CPLANE1: variants seen among roughly 807,000 people sequenced by gnomAD.
The protein encoded by CPLANE1 is ciliogenesis and planar polarity effector complex subunit 1.
In CPLANE1, 263 loss-of-function variants were observed where a neutral mutation model predicts 362.5. That is an observed-to-expected ratio of 0.73 (90% CI 0.66 to 0.80). The LOEUF is 0.80. Ranked by LOEUF, CPLANE1 falls within the 30% of genes least tolerant of loss-of-function variation. CPLANE1 has a pLI of 0.00. For missense variants in CPLANE1, 3,461 were observed against 3,793.4 expected, an observed-to-expected ratio of 0.91 and a Z score of 2.30; for synonymous variants, 1,212 against 1,302.6, an observed-to-expected ratio of 0.93 and a Z score of 1.50.
At chr5:37,115,872 C>T (rs777599051) in intron 50 of CPLANE1, among the ~76,000 whole-genome samples, 35 of 151,706 alleles carry the variant, frequency 2.3e-4, no homozygotes, top group Non-Finnish European at 3.5e-4. Flanking sequence ...GGATTACAGG[C>T]GTGAGCCACC....
chr5:37,198,797 G>A lies in CPLANE1; in HGVS notation c.3577C>T (p.Arg1193Cys), dbSNP rs149170427. The A allele has an allele frequency of 1.9e-5, 30 of 1,613,954 alleles. No homozygotes were observed. The East Asian group carries it at 4.7e-4, about 25-fold the overall frequency. ...NRQKVSGILQ[R>C]VLLLFRAAQC... ...GCCGCCCGGAAAAGCAGGAGAACAC[G>A]CTGAAGGATTCCAGATACCTTCTGG... is the stretch of plus-strand genomic sequence containing the variant. Residue 1193 changes from arginine to cysteine, a missense_variant, in exon 20 of 53, where the codon CGT (arginine) becomes TGT (cysteine). Around this residue, in one of 2 missense-constraint regions of CPLANE1, gnomAD observed 3,380 missense variants for 3,666.1 expected, o/e 0.92. Coordinates refer to ENST00000651892, the MANE Select transcript of CPLANE1 (RefSeq NM_001384732.1).
At chr5:37,231,971 T>C (rs1797823892) in intron 8 of CPLANE1, among the ~76,000 whole-genome samples, 1 of 151,790 alleles carries the variant, frequency 6.6e-6, no homozygotes, top group Admixed American at 6.6e-5. Context: ...AATGAGAAAT[T>C]TACCAAAGAG....
chr5:37,145,774 C>A (rs1771376802), intron 43 of CPLANE1, among the ~76,000 whole-genome samples: 1 of 151,754 alleles, frequency 6.6e-6, no homozygotes, highest in African/African-American at 2.4e-5. Flanking sequence ...GCAAAAAAAC[C>A]ACCATGAAAT....
chr5:37,169,268 C>G lies in CPLANE1; in HGVS notation c.6756G>C (p.Arg2252Ser). Residue 2252 changes from arginine (R) to serine (S), a missense_variant, in exon 34 of 53, where the codon AGG becomes AGC. Physicochemically the swap from Arg to Ser is moderately radical, Grantham distance 110 (BLOSUM62 -1). Around this residue, in one of 2 missense-constraint regions of CPLANE1, gnomAD observed 3,380 missense variants for 3,666.1 expected, o/e 0.92. Coordinates refer to ENST00000651892, the MANE Select transcript of CPLANE1 (RefSeq NM_001384732.1). ...HTGSIPQVPFRPLPQPREAWG... is the reference protein window; with the variant it reads ...HTGSIPQVPFSPLPQPREAWG... ...AAGCCTCTCTTGGTTGTGGCAAAGG[C>G]CTGAAGGGAACTTGTGGAATACTTC... is the stretch of plus-strand genomic sequence containing the variant. 1 of 1,614,036 alleles carries G rather than the reference C, an allele frequency of 6.2e-7. No homozygotes were observed.
At chr5:37,190,994 G>A (rs1785392661) in intron 21 of CPLANE1, among the ~76,000 whole-genome samples, 1 of 152,106 alleles carries the variant, frequency 6.6e-6, no homozygotes, top group Non-Finnish European at 1.5e-5. Flanking sequence ...AAAAAAAACT[G>A]TAAAATAGCC....
At position 37,169,220 on chromosome 5, in the gene CPLANE1, T is replaced by A; in HGVS notation, c.6804A>T (p.Gln2268His). Reference sequence around the variant, plus strand: ...GTGCTGCTCTCTGTGGCAGAGCAGGTTGGAAGGAGTCAGATAATCCCCAAG... The same window carrying A: ...GTGCTGCTCTCTGTGGCAGAGCAGGATGGAAGGAGTCAGATAATCCCCAAG... Reference protein sequence around the residue: ...REAWGLSDSFQPALPQRAAQT... With the variant: ...REAWGLSDSFHPALPQRAAQT... Residue 2268 changes from glutamine to histidine, a missense_variant, in exon 34 of 53, where the codon CAA (glutamine) becomes CAT (histidine). Physicochemically the swap from Gln to His is conservative, Grantham distance 24. Coordinates refer to ENST00000651892, the MANE Select transcript of CPLANE1 (RefSeq NM_001384732.1). 1 of 1,614,088 alleles carries A rather than the reference T, an allele frequency of 6.2e-7. No individual in the cohort carries two copies. Among genetic ancestry groups the A allele is most frequent in the South Asian group, 1.1e-5 (1 of 91,076 alleles).
At position 37,248,395 on chromosome 5, in the gene CPLANE1, G is replaced by T. The variant is rs567658829; in HGVS notation, c.-47-650C>A. 2.4e-4 allele frequency among the ~76,000 whole-genome samples: 37 copies of T among 152,302 alleles called. No individual in the cohort carries two copies. In the South Asian group the frequency reaches 7.3e-3, roughly 30 times the overall value. ...TCCGCCCGACTCAGCCTCCCAAAGTGCTGGGATTACAGGCGTGATCCACTG... is the reference window on the plus strand; with the variant it reads ...TCCGCCCGACTCAGCCTCCCAAAGTTCTGGGATTACAGGCGTGATCCACTG... On this transcript the variant is annotated intron_variant, in intron 1 of 52. Coordinates refer to ENST00000651892, the MANE Select transcript of CPLANE1 (RefSeq NM_001384732.1).
At chr5:37,132,388 A>AG (rs1766157609) in intron 46 of CPLANE1, among the ~76,000 whole-genome samples, 1 of 122,028 alleles carries the variant, frequency 8.2e-6, no homozygotes, top group African/African-American at 3.2e-5. Flanking sequence ...TCTGTCGCCC[A>AG]GGCTGGAGTG....
intron 32 of CPLANE1, among the ~76,000 whole-genome samples, chr5:37,171,263 A>C (rs13166974): frequency 0.18 from 27,501 of 152,188 alleles, 2,943 homozygotes; most frequent in East Asian, 0.38. Flanking sequence ...CTTAGCTGGA[A>C]CAAGAGATTT....
At chr5:37,164,857 T>C (rs903762688) in intron 36 of CPLANE1, among the ~76,000 whole-genome samples, 8 of 152,076 alleles carry the variant, frequency 5.3e-5, no homozygotes, top group Non-Finnish European at 1.2e-4. Flanking sequence ...ATAATCCAAG[T>C]GTTTTAGGAG....
rs1206876437 is a variant in CPLANE1 at position 37,148,205 on chromosome 5, T to C, written c.8437A>G (p.Lys2813Glu). ...CCTTCTTCAGAAATGCTAATGGTTT[T>C]TGAAGCTAATGTTTTTTTGAATTCA... is the stretch of plus-strand genomic sequence containing the variant. ...GPEFKKTLAS[K>E]TISISEEVRF... Residue 2813 changes from lysine to glutamate, a missense_variant, in exon 43 of 53, where the codon AAA becomes GAA. Physicochemically the swap from Lys to Glu is moderately conservative, Grantham distance 56. Transcript: ENST00000651892. The C allele has an allele frequency of 6.2e-7, 1 of 1,613,200 alleles. No individual in the cohort carries two copies. Among genetic ancestry groups the C allele is most frequent in the Non-Finnish European group, 8.5e-7 (1 of 1,179,484 alleles).
At chr5:37,150,777 G>C (rs1773312333) in intron 42 of CPLANE1, among the ~76,000 whole-genome samples, 1 of 152,316 alleles carries the variant, frequency 6.6e-6, no homozygotes, top group East Asian at 1.9e-4. Flanking sequence ...AGAGCTAGCA[G>C]CATAAGAATC....
chr5:37,136,905 A>T (rs1372570465), intron 46 of CPLANE1, among the ~76,000 whole-genome samples: 2 of 152,138 alleles, frequency 1.3e-5, no homozygotes, highest in African/African-American at 2.4e-5. Flanking sequence ...GCCCCAGGAA[A>T]CCATTTTTCC....
chr5:37,177,810 A>G (rs906159933), intron 29 of CPLANE1, 110 bp from the exon 30 acceptor site: 8 of 783,806 alleles, frequency 1.0e-5, no homozygotes, highest in Non-Finnish European at 1.7e-5. Flanking sequence ...ACAACAGTCT[A>G]CAAGCAAGTG....
intron 31 of CPLANE1, among the ~76,000 whole-genome samples, chr5:37,174,980 C>T (rs2151022400): frequency 6.6e-6 from 1 of 152,298 alleles, no homozygotes; most frequent in East Asian, 1.9e-4. Flanking sequence ...GAGTTAGTTG[C>T]CCAGTGACAG....
chr5:37,094,013 GCGC>G, the CPLANE1 span, among the ~76,000 whole-genome samples: 1 of 45,034 alleles, frequency 2.2e-5, no homozygotes, highest in African/African-American at 5.1e-4. Flanking sequence ...GAGGGGTGGA[GCGC>G]TGGCAGTGGG....
chr5:37,179,896 AT>A lies in CPLANE1; in HGVS notation c.5737+120del, dbSNP rs1782188422. On this transcript the variant is annotated intron_variant, in intron 28 of 52. Coordinates refer to ENST00000651892, the MANE Select transcript of CPLANE1 (RefSeq NM_001384732.1). Reference sequence around the variant, plus strand: ...AAATATTTAATTCTCTTAATTTTTTATTTTAGGCTACTGTAAACATACTAAC... The same window carrying A: ...AAATATTTAATTCTCTTAATTTTTTATTTAGGCTACTGTAAACATACTAAC... 9.3e-6 allele frequency: 5 copies of A among 538,278 alleles called. No individual in the cohort carries two copies. The South Asian group carries it at 1.5e-4, about 16-fold the overall frequency. 33.3% of individuals were successfully genotyped at this position (538,278 alleles called of 1,614,324 possible). A position where few individuals can be genotyped will look rare whatever the true frequency, so the allele number is the denominator to read the frequency against.
the CPLANE1 span, among the ~76,000 whole-genome samples, chr5:37,087,582 G>A: frequency 6.0e-4 from 92 of 152,200 alleles, no homozygotes; most frequent in African/African-American, 1.8e-3. Flanking sequence ...TCAGCCTCCC[G>A]CGTAGCTGGG....
rs199990053 is a variant in CPLANE1, at chr5:37,246,139, TC to T, written c.82-295del. ...AATTCTGCTAGCCAAAACTGGCTTATCTACTTTTTAATCTTTTTTTTTTTTT... is the reference window on the plus strand; with the variant it reads ...AATTCTGCTAGCCAAAACTGGCTTATTACTTTTTAATCTTTTTTTTTTTTT... On this transcript the variant is annotated intron_variant, in intron 2 of 52. Transcript: ENST00000651892. 1,821 of 180,492 alleles carry T rather than the reference TC, an allele frequency of 0.01. 45 individuals are homozygous for T. The highest frequency in any genetic ancestry group is 0.044 in the African/African-American group (1,740 of 39,876). The allele number at this position is 180,492 out of a possible 1,614,324, so 11.2% of individuals were successfully genotyped here.
Sources: allele counts gnomAD v4.1 joint callset (sites outside exome capture counted in the v4.1 genomes callset), GRCh38; gene constraint gnomAD v4.1.1; regional missense constraint gnomAD v4.1.1; transcripts MANE v1.5; gene names NCBI Gene and HGNC (gene_info 2026-07-23, HGNC 2026-07-21).